The following IL1RAPL2 variants were observed in gnomAD, a reference collection of about 807,000 sequenced individuals.
The protein encoded by IL1RAPL2 is X-linked interleukin-1 receptor accessory protein-like 2.
In IL1RAPL2, 3 loss-of-function variants were observed where a neutral mutation model predicts 44.1. The observed-to-expected ratio is 0.07, with a 90% CI of 0.03 to 0.18. IL1RAPL2 has a LOEUF of 0.18. IL1RAPL2 is among the 10% of genes least tolerant of loss of function. The pLI is 1.00. For missense variants in IL1RAPL2, 391 were observed against 496.4 expected (o/e 0.79, Z 2.02); for synonymous variants, 181 against 178.8 (o/e 1.01, Z -0.10).
chrX:104,909,818 T>C lies in IL1RAPL2; in HGVS notation c.82+250823T>C, dbSNP rs934532128. ...TTTTTGTTTGTCTGTGCCCTGCCCCTAGAGGTGGAGCCTACAGAGGCAGGC... is the reference window on the plus strand; with the variant it reads ...TTTTTGTTTGTCTGTGCCCTGCCCCCAGAGGTGGAGCCTACAGAGGCAGGC... On this transcript the variant is annotated intron_variant, in intron 2 of 10. Transcript: ENST00000372582. Among the ~76,000 whole-genome samples the C allele has an allele frequency of 1.5e-3, 166 of 112,677 alleles. 1 individual carries two copies. The highest frequency in any genetic ancestry group is 4.9e-3 in the African/African-American group (151 of 31,096).
chrX:105,694,537 C>T (rs2038061552), intron 6 of IL1RAPL2, among the ~76,000 whole-genome samples: 1 of 111,534 alleles, frequency 9.0e-6, no homozygotes, highest in African/African-American at 3.3e-5. Flanking sequence ...AAATCATTTG[C>T]TTGATGTCCC....
chrX:105,503,172 A>C (rs180945010), intron 6 of IL1RAPL2, among the ~76,000 whole-genome samples: 1 of 111,418 alleles, frequency 9.0e-6, no homozygotes, highest in Non-Finnish European at 1.9e-5. Context: ...GGAAAAACAT[A>C]ACTTTTCCAT....
At chrX:105,436,359 G>A (rs1811140798) in intron 5 of IL1RAPL2, among the ~76,000 whole-genome samples, 2 of 110,841 alleles carry the variant, frequency 1.8e-5, no homozygotes, top group Admixed American at 9.6e-5. Context: ...GTTAAAACTC[G>A]TAGAAATATA....
chrX:105,379,029 G>A (rs1184945381), intron 5 of IL1RAPL2, among the ~76,000 whole-genome samples: 1 of 111,464 alleles, frequency 9.0e-6, no homozygotes, highest in Non-Finnish European at 1.9e-5. Context: ...CCAAAGTCCT[G>A]GATTTAATGA....
At chrX:105,226,152 C>G (rs2147631083) in intron 3 of IL1RAPL2, among the ~76,000 whole-genome samples, 1 of 110,884 alleles carries the variant, frequency 9.0e-6, no homozygotes, top group East Asian at 2.8e-4. Context: ...GTAATACAAC[C>G]CAATACTTCT....
chrX:105,248,802 C>T (rs1603031676), intron 4 of IL1RAPL2, among the ~76,000 whole-genome samples: 1 of 111,608 alleles, frequency 9.0e-6, no homozygotes, highest in Admixed American at 9.5e-5. Flanking sequence ...GATATCATTT[C>T]ACTCCAGTTA....
At chrX:105,084,718 C>T (rs1376263755) in intron 2 of IL1RAPL2, among the ~76,000 whole-genome samples, 1 of 111,814 alleles carries the variant, frequency 8.9e-6, no homozygotes, top group Non-Finnish European at 1.9e-5. Flanking sequence ...CTTTGGGGTA[C>T]TGTTGGGAAG....
At chrX:105,581,228 T>G (rs921759365) in intron 6 of IL1RAPL2, among the ~76,000 whole-genome samples, 1 of 111,990 alleles carries the variant, frequency 8.9e-6, no homozygotes, top group Non-Finnish European at 1.9e-5. Context: ...TTTCTGCACT[T>G]TAAAAATGAT....
intron 2 of IL1RAPL2, among the ~76,000 whole-genome samples, chrX:104,884,582 T>TA (rs1242363385): frequency 1.7e-5 from 1 of 57,303 alleles, no homozygotes; most frequent in Non-Finnish European, 5.3e-5. Flanking sequence ...AGGTGGCTCA[T>TA]TTTTTTCTGC....
chrX:105,310,139 AT>A (rs2034785760), intron 5 of IL1RAPL2, among the ~76,000 whole-genome samples: 1 of 110,838 alleles, frequency 9.0e-6, no homozygotes, highest in East Asian at 2.8e-4. Flanking sequence ...GAGGAATTGA[AT>A]TTTTTTTATA....
In IL1RAPL2 at chrX:105,484,310, T is replaced by C; in HGVS notation, c.698-3T>C. The C allele has an allele frequency of 8.4e-7, 1 of 1,187,597 alleles. No individual in the cohort carries two copies. The highest frequency in any genetic ancestry group is 2.2e-5 in the Admixed American group (1 of 45,961). ...CATTACTTTCTTTCATTTTCTCTTC[T>C]AGCTTTACTCACAGACAAGCCTCCC... On this transcript the variant is annotated splice_polypyrimidine_tract_variant and splice_region_variant and intron_variant, in intron 5 of 10. Coordinates refer to ENST00000372582, the MANE Select transcript of IL1RAPL2 (RefSeq NM_017416.2).
intron 5 of IL1RAPL2, among the ~76,000 whole-genome samples, chrX:105,425,566 G>T (rs59001706): frequency 3.9e-3 from 397 of 102,710 alleles, no homozygotes; most frequent in Non-Finnish European, 6.2e-3. Context: ...CCAGTTTTTT[G>T]ACTCAGTGTA....
chrX:105,528,507 T>C (rs2036609256), intron 6 of IL1RAPL2, among the ~76,000 whole-genome samples: 2 of 111,881 alleles, frequency 1.8e-5, no homozygotes, highest in Admixed American at 9.5e-5. Flanking sequence ...TTTCACAACA[T>C]TATTTTATTT....
intron 2 of IL1RAPL2, among the ~76,000 whole-genome samples, chrX:104,795,892 G>T (rs1011385204): frequency 8.9e-6 from 1 of 111,975 alleles, no homozygotes; most frequent in Non-Finnish European, 1.9e-5. Flanking sequence ...AGTTCCTACA[G>T]TAGGTTCAAA....
At chrX:105,130,581 A>C (rs2033017599) in intron 2 of IL1RAPL2, among the ~76,000 whole-genome samples, 1 of 111,215 alleles carries the variant, frequency 9.0e-6, no homozygotes, top group Non-Finnish European at 1.9e-5. Flanking sequence ...TAGAAGTCCT[A>C]TACTACATGC....
chrX:104,968,925 T>C (rs1310192478), intron 2 of IL1RAPL2, among the ~76,000 whole-genome samples: 1 of 109,943 alleles, frequency 9.1e-6, no homozygotes, highest in Non-Finnish European at 1.9e-5. Context: ...TTAATCTATA[T>C]ATTCAATGCA....
chrX:105,036,609 A>G (rs1445361301), intron 2 of IL1RAPL2, among the ~76,000 whole-genome samples: 2 of 112,323 alleles, frequency 1.8e-5, no homozygotes, highest in African/African-American at 3.2e-5. Flanking sequence ...TTGTTTCCAC[A>G]TAAGGTTTTT....
chrX:105,097,021 T>G (rs1429985535), intron 2 of IL1RAPL2, among the ~76,000 whole-genome samples: 1 of 110,849 alleles, frequency 9.0e-6, no homozygotes, highest in African/African-American at 3.3e-5. Flanking sequence ...TTTCACAAGC[T>G]GTAGCAGTTT....
intron 3 of IL1RAPL2, among the ~76,000 whole-genome samples, chrX:105,232,701 A>G (rs2034081652): frequency 8.9e-6 from 1 of 112,270 alleles, no homozygotes; most frequent in Admixed American, 9.5e-5. Flanking sequence ...ATTTATATTT[A>G]TTGTAGTTAG....
Sources: allele counts gnomAD v4.1 joint callset (sites outside exome capture counted in the v4.1 genomes callset), GRCh38; gene constraint gnomAD v4.1.1; transcripts MANE v1.5; gene names NCBI Gene and HGNC (gene_info 2026-07-23, HGNC 2026-07-21).